The following ACOT12 variants were observed in gnomAD, a reference collection of about 807,000 sequenced individuals.
ACOT12 encodes the protein acetyl-coenzyme A thioesterase.
ACOT12 carries 51 observed loss-of-function variants against 67.7 expected under a neutral mutation model. That is an observed-to-expected ratio of 0.75 (90% CI 0.60 to 0.95). The LOEUF (loss-of-function observed/expected upper bound fraction) is 0.95. ACOT12 is among the 40% of genes least tolerant of loss of function. The pLI is 0.00. For synonymous variants in ACOT12, 251 were observed against 244.6 expected (o/e 1.03, Z -0.24); for missense variants, 734 against 708.1 (o/e 1.04, Z -0.41).
chr5:81,375,548 T>C (rs374327231), intron 2 of ACOT12, among the ~76,000 whole-genome samples: 1 of 152,098 alleles, frequency 6.6e-6, no homozygotes, highest in South Asian at 2.1e-4. Context: ...GACTGGCAAA[T>C]TGGATAGAGT....
At chr5:81,361,666 G>T (rs1238151129) in intron 4 of ACOT12, among the ~76,000 whole-genome samples, 1 of 152,198 alleles carries the variant, frequency 6.6e-6, no homozygotes, top group Non-Finnish European at 1.5e-5. Flanking sequence ...GGCCCCAGCA[G>T]CATGGCTGTG....
In ACOT12 at chr5:81,330,408, C is replaced by G. The variant is rs1465592419; in HGVS notation, c.1654G>C (p.Val552Leu). Residue 552 changes from valine (V) to leucine (L), a missense_variant, in exon 15 of 15, where the codon GTA (valine) becomes CTA (leucine). By Grantham distance (32) the Val-to-Leu change is conservative. Coordinates refer to ENST00000307624, the MANE Select transcript of ACOT12 (RefSeq NM_130767.3). Reference sequence around the variant, plus strand: ...AAAGTTGACCTTTAAAATGTGCTTACAAACCCATCATCAGGAGGATTCTCT... The same window carrying G: ...AAAGTTGACCTTTAAAATGTGCTTAGAAACCCATCATCAGGAGGATTCTCT... ...FLENPPDDGF[V>L]STF 1 of 1,612,240 alleles carries G rather than the reference C, an allele frequency of 6.2e-7. No individual in the cohort carries two copies. Among genetic ancestry groups the G allele is most frequent in the African/African-American group, 1.3e-5 (1 of 74,824 alleles).
chr5:81,359,899 T>C lies in ACOT12; in HGVS notation c.496+4A>G, dbSNP rs766088645. 1 of 1,603,714 alleles carries C rather than the reference T, an allele frequency of 6.2e-7. No individual in the cohort carries two copies. The highest frequency in any genetic ancestry group is 1.1e-5 in the South Asian group (1 of 87,980). ...TTAAAATTCTTATAAGTGGATTTAC[T>C]GACCATCAAATTTGCTACTTTCCTT... On this transcript the variant is annotated splice_donor_region_variant and intron_variant, in intron 5 of 14. Transcript: ENST00000307624.
chr5:81,345,790 C>T lies in ACOT12; in HGVS notation c.773+95G>A, dbSNP rs79174364. On this transcript the variant is annotated intron_variant, in intron 7 of 14. Transcript: ENST00000307624. ...ATTGCATGAAAAAAATGGAATTTCA[C>T]TAAAGTAGTTCCCATACTCACCTCC... is the stretch of plus-strand genomic sequence containing the variant. The T allele has an allele frequency of 1.8e-3, 2,685 of 1,498,218 alleles. 42 individuals are homozygous for T. The African/African-American group carries it at 0.034, about 19-fold the overall frequency. 92.8% of individuals were successfully genotyped at this position (1,498,218 alleles called of 1,614,324 possible).
chr5:81,343,380 T>C (rs1759266698), intron 10 of ACOT12, among the ~76,000 whole-genome samples: 1 of 152,246 alleles, frequency 6.6e-6, no homozygotes, highest in Non-Finnish European at 1.5e-5. Context: ...GTTGGTGTCC[T>C]GAGCAAAGAC....
At chr5:81,318,521 ATT>A in the ACOT12 span, among the ~76,000 whole-genome samples, 1 of 151,870 alleles carries the variant, frequency 6.6e-6, no homozygotes, top group African/African-American at 2.4e-5. Flanking sequence ...TCTCTTCTCT[ATT>A]TTCCCTTATA....
intron 11 of ACOT12, among the ~76,000 whole-genome samples, chr5:81,338,689 T>C (rs1759088449): frequency 6.6e-6 from 1 of 152,228 alleles, no homozygotes; most frequent in Admixed American, 6.5e-5. Flanking sequence ...TTCTACGAAA[T>C]GAAGCTTAAA....
chr5:81,352,022 C>A (rs150907642), intron 5 of ACOT12, among the ~76,000 whole-genome samples: 1,785 of 152,266 alleles, frequency 0.012, 18 homozygotes, highest in South Asian at 0.019. Flanking sequence ...CATCACTGAT[C>A]ATCAGAGAAA....
chr5:81,328,995 C>T (rs1310373213), downstream of ACOT12, among the ~76,000 whole-genome samples: 2 of 152,084 alleles, frequency 1.3e-5, no homozygotes, highest in African/African-American at 2.4e-5. Context: ...AAATAGCACA[C>T]GTGCCTAGTG....
Position 81,330,456 on chromosome 5 carries a change from C to A in ACOT12, c.1606G>T (p.Ala536Ser), listed in dbSNP as rs765574953. ...GGWSKSIEET[A>S]ASCIQFLENP... ...TCTAAGAACTGTATACAAGAGGCTG[C>A]TGTTTCTTCAATGGATTTTGACCAG... Residue 536 changes from alanine to serine, a missense_variant, in exon 15 of 15, where the codon GCA becomes TCA. Coordinates refer to ENST00000307624, the MANE Select transcript of ACOT12 (RefSeq NM_130767.3). 5.0e-6 allele frequency: 8 copies of A among 1,613,972 alleles called. No individual in the cohort carries two copies. Among genetic ancestry groups the A allele is most frequent in the Non-Finnish European group, 6.8e-6 (8 of 1,179,994 alleles).
At chr5:81,326,415 C>T (rs1758677390), downstream of ACOT12, among the ~76,000 whole-genome samples, 7 of 152,156 alleles carry the variant, frequency 4.6e-5, no homozygotes, top group African/African-American at 9.7e-5. Flanking sequence ...TGAGCCACCA[C>T]GCCTGGCCAA....
intron 1 of ACOT12, among the ~76,000 whole-genome samples, chr5:81,391,973 T>C (rs921678017): frequency 1.3e-5 from 2 of 152,044 alleles, no homozygotes; most frequent in African/African-American, 2.4e-5. Flanking sequence ...TAAAAAACCG[T>C]GTGTGTGAGA....
chr5:81,332,906 A>C (rs1252770065), intron 12 of ACOT12, among the ~76,000 whole-genome samples: 2 of 152,016 alleles, frequency 1.3e-5, no homozygotes, highest in Non-Finnish European at 2.9e-5. Flanking sequence ...TCTTTATAAA[A>C]ATTTTTTAAA....
the ACOT12 span, chr5:81,308,762 T>C: frequency 6.4e-7 from 1 of 1,570,524 alleles, no homozygotes; most frequent in Non-Finnish European, 8.6e-7. Context: ...AGCCAATAAA[T>C]AGCACCTTGG....
the ACOT12 span, among the ~76,000 whole-genome samples, chr5:81,312,343 G>A: frequency 1.1e-4 from 17 of 152,276 alleles, no homozygotes; most frequent in South Asian, 2.5e-3. Flanking sequence ...TTCCCTAATT[G>A]GGATGAGAAA....
chr5:81,372,988 T>C (rs1760300447), intron 2 of ACOT12, among the ~76,000 whole-genome samples: 1 of 152,258 alleles, frequency 6.6e-6, no homozygotes, highest in Non-Finnish European at 1.5e-5. Flanking sequence ...TGAAATTTAA[T>C]GTTTCTCAGT....
At chr5:81,330,715 A>G in intron 14 of ACOT12, 99 bp downstream of exon 14, 1 of 1,545,374 alleles carries the variant, frequency 6.5e-7, no homozygotes, top group East Asian at 2.3e-5. Flanking sequence ...TGTGGACACA[A>G]ATTACAAGAT....
chr5:81,374,513 C>T (rs1760350245), intron 2 of ACOT12, among the ~76,000 whole-genome samples: 1 of 152,082 alleles, frequency 6.6e-6, no homozygotes, highest in South Asian at 2.1e-4. Context: ...CAGAAGAAGG[C>T]TTCAGAAGGT....
At chr5:81,379,532 C>T (rs1397961973) in intron 2 of ACOT12, among the ~76,000 whole-genome samples, 3 of 151,792 alleles carry the variant, frequency 2.0e-5, no homozygotes, top group African/African-American at 4.8e-5. Flanking sequence ...AATCTAACAA[C>T]ACGTCATTCA....
Sources: gnomAD v4.1 joint callset for allele counts (sites outside exome capture counted in the v4.1 genomes callset) on GRCh38, gnomAD v4.1.1 for gene constraint, MANE v1.5 for transcripts, NCBI Gene and HGNC (gene_info 2026-07-23, HGNC 2026-07-21) for gene names.